The following NRXN1 variants were observed in gnomAD, a reference collection of about 807,000 sequenced individuals.
NRXN1 encodes neurexin-1.
In NRXN1, 39 loss-of-function variants were observed where a neutral mutation model predicts 150.9. That is an observed-to-expected ratio of 0.26 (90% CI 0.20 to 0.34). The LOEUF is 0.34. Ranked by LOEUF, NRXN1 falls within the 10% of genes least tolerant of loss-of-function variation. NRXN1 has a pLI of 1.00. For synonymous variants in NRXN1, 924 were observed against 757.0 expected (o/e 1.22, Z -3.62); for missense variants, 1,815 against 1,949.9 (o/e 0.93, Z 1.30).
At chr2:50,491,985 A>C (rs2091280206) in intron 15 of NRXN1, among the ~76,000 whole-genome samples, 1 of 152,186 alleles carries the variant, frequency 6.6e-6, no homozygotes. Flanking sequence ...CTTCAGTTAA[A>C]TCTATTTAGC....
At chr2:51,002,811 G>C (rs1700240014) in intron 2 of NRXN1, among the ~76,000 whole-genome samples, 1 of 151,954 alleles carries the variant, frequency 6.6e-6, no homozygotes, top group Admixed American at 6.6e-5. Context: ...CTAATAGGGT[G>C]ACTTTTTCAA....
intron 16 of NRXN1, among the ~76,000 whole-genome samples, chr2:50,467,760 T>A (rs1489705467): frequency 6.6e-6 from 1 of 151,412 alleles, no homozygotes; most frequent in African/African-American, 2.4e-5. Flanking sequence ...CCAGGAAACC[T>A]GAAGAGAGTA....
chr2:50,229,132 A>G (rs1483342810), intron 18 of NRXN1, among the ~76,000 whole-genome samples: 1 of 151,998 alleles, frequency 6.6e-6, no homozygotes, highest in Non-Finnish European at 1.5e-5. Flanking sequence ...ATGCACCTAG[A>G]TTATTTCCTT....
chr2:50,265,995 A>T (rs1360967907), intron 17 of NRXN1, among the ~76,000 whole-genome samples: 6 of 76,834 alleles, frequency 7.8e-5, no homozygotes, highest in African/African-American at 3.0e-4. Flanking sequence ...TATTATTATT[A>T]TTATTTATTT....
chr2:50,308,040 T>A (rs2074800513), intron 17 of NRXN1, among the ~76,000 whole-genome samples: 2 of 152,222 alleles, frequency 1.3e-5, no homozygotes, highest in African/African-American at 2.4e-5. Flanking sequence ...GTCAAGCAAA[T>A]TAACATAACC....
At chr2:50,272,205 T>G (rs2069776476) in intron 17 of NRXN1, among the ~76,000 whole-genome samples, 1 of 152,282 alleles carries the variant, frequency 6.6e-6, no homozygotes, top group South Asian at 2.1e-4. Flanking sequence ...CAAGAAGTTC[T>G]GTAACTCTCC....
intron 17 of NRXN1, among the ~76,000 whole-genome samples, chr2:50,279,179 C>T (rs928781069): frequency 6.6e-6 from 1 of 152,140 alleles, no homozygotes; most frequent in Admixed American, 6.5e-5. Flanking sequence ...ACCTTTTCCA[C>T]CAAATGACCC....
At chr2:50,120,002 A>G (rs1703645511) in intron 18 of NRXN1, among the ~76,000 whole-genome samples, 1 of 152,198 alleles carries the variant, frequency 6.6e-6, no homozygotes, top group Admixed American at 6.5e-5. Flanking sequence ...ACGTGTACCC[A>G]ATTAGTTGTT....
chr2:50,823,136 C>T (rs1669970086), intron 5 of NRXN1, among the ~76,000 whole-genome samples: 1 of 152,158 alleles, frequency 6.6e-6, no homozygotes, highest in South Asian at 2.1e-4. Flanking sequence ...ATATTAAGAT[C>T]TCTGCAGGCA....
At chr2:50,098,357 A>G (rs973643844) in intron 18 of NRXN1, among the ~76,000 whole-genome samples, 2 of 152,040 alleles carry the variant, frequency 1.3e-5, no homozygotes, top group Non-Finnish European at 2.9e-5. Context: ...TGGTGGGGAA[A>G]AGCACAGGTG....
At chr2:50,015,651 A>C (rs1172412780) in intron 21 of NRXN1, among the ~76,000 whole-genome samples, 1 of 152,038 alleles carries the variant, frequency 6.6e-6, no homozygotes, top group Non-Finnish European at 1.5e-5. Context: ...TCCATGCATC[A>C]GTAATAATGA....
rs574018080 is a variant in NRXN1, at chr2:50,347,524, C to T, written c.3365-110554G>A. On this transcript the variant is annotated intron_variant, in intron 17 of 22. Transcript: ENST00000401669. The surrounding 1 kb of genome is among the most constrained non-coding windows in gnomAD (Gnocchi z 4.9). ...CATTCAGCCCCGGCCGGCTCGCCCG[C>T]TAGCGCCAGCCTCCCCCGGGCAGCG... The T allele has an allele frequency of 1.9e-6, 2 of 1,044,082 alleles. No individual in the cohort carries two copies. Among genetic ancestry groups the T allele is most frequent in the South Asian group, 2.9e-5 (1 of 34,586 alleles). 64.7% of individuals were successfully genotyped at this position (1,044,082 alleles called of 1,614,324 possible).
At chr2:50,535,129 C>A (rs940091320) in intron 10 of NRXN1, among the ~76,000 whole-genome samples, 1 of 152,154 alleles carries the variant, frequency 6.6e-6, no homozygotes, top group African/African-American at 2.4e-5. Flanking sequence ...GGAAAATGCA[C>A]AGGGTTGTAG....
rs745880779 is a variant in NRXN1, at chr2:50,762,556, T to A, written c.833-138941A>T. On this transcript the variant is annotated intron_variant, in intron 5 of 22. Transcript: ENST00000401669. ...CATCTTTATGTCCATAGGTACCCAA[T>A]GTTTAGCTTCCACTTATGAGTGGGA... 3.3e-4 allele frequency among the ~76,000 whole-genome samples: 50 copies of A among 152,032 alleles called. 1 individual carries two copies. The highest frequency in any genetic ancestry group is 1.8e-4 in the Non-Finnish European group (12 of 67,932).
At chr2:50,216,253 C>T (rs2063390966) in intron 18 of NRXN1, among the ~76,000 whole-genome samples, 1 of 151,840 alleles carries the variant, frequency 6.6e-6, no homozygotes, top group Non-Finnish European at 1.5e-5. Flanking sequence ...TTAAATACTT[C>T]AGTGTCAAAT....
intron 18 of NRXN1, among the ~76,000 whole-genome samples, chr2:50,214,631 C>A (rs894417851): frequency 4.6e-5 from 7 of 151,972 alleles, no homozygotes; most frequent in African/African-American, 1.4e-4. Context: ...CTACTTTCAA[C>A]TCTTAAATAG....
chr2:50,825,324 G>C (rs1670300619), intron 5 of NRXN1, among the ~76,000 whole-genome samples: 1 of 152,110 alleles, frequency 6.6e-6, no homozygotes, highest in Non-Finnish European at 1.5e-5. Flanking sequence ...ATGTTTGCTG[G>C]CTGGCAGCCT....
chr2:51,028,343 G>T lies in NRXN1; in HGVS notation c.-70C>A. 1.9e-6 allele frequency: 2 copies of T among 1,053,856 alleles called. No individual in the cohort carries two copies. The highest frequency in any genetic ancestry group is 2.6e-6 in the Non-Finnish European group (2 of 772,814). 65.3% of individuals were successfully genotyped at this position (1,053,856 alleles called of 1,614,324 possible). On this transcript the variant is annotated 5_prime_UTR_variant, in exon 2 of 23. Coordinates refer to ENST00000401669, the MANE Select transcript of NRXN1 (RefSeq NM_001330078.2). ...TCAAAATGGTCCTGGACACCGTGACGAAGAAATAAGGGTCCCGAGAGACAG... is the reference window on the plus strand; with the variant it reads ...TCAAAATGGTCCTGGACACCGTGACTAAGAAATAAGGGTCCCGAGAGACAG...
chr2:51,006,535 T>TA (rs1426151250), intron 2 of NRXN1, among the ~76,000 whole-genome samples: 14 of 148,692 alleles, frequency 9.4e-5, no homozygotes, highest in African/African-American at 3.6e-4. Context: ...CCCTAAAACT[T>TA]AAAGTATAAT....
Sources: allele counts gnomAD v4.1 joint callset (sites outside exome capture counted in the v4.1 genomes callset), GRCh38; gene constraint gnomAD v4.1.1; non-coding constraint Gnocchi (gnomAD v3.1); transcripts MANE v1.5; gene names NCBI Gene and HGNC (gene_info 2026-07-23, HGNC 2026-07-21).